Variants in ATF7 observed in about 807,000 individuals in gnomAD.
The protein encoded by ATF7 is activating transcription factor 7.
Under a neutral mutation model 50.4 loss-of-function variants are expected in ATF7, and 10 were observed. That is an observed-to-expected ratio of 0.20 (90% CI 0.12 to 0.34). ATF7 has a LOEUF of 0.34. Among genes scored for constraint, ATF7 ranks in the 10% least tolerant of loss-of-function variants. The pLI is 1.00. For synonymous variants in ATF7, 201 were observed against 226.4 expected (o/e 0.89, Z 1.01); for missense variants, 465 against 613.9 (o/e 0.76, Z 2.56).
intron 2 of ATF7, among the ~76,000 whole-genome samples, chr12:53,569,346 A>AT (rs1292894508): frequency 1.3e-5 from 2 of 152,034 alleles, no homozygotes; most frequent in African/African-American, 2.4e-5. Context: ...AACTACTTGC[A>AT]TTTTTTCTAA....
In ATF7 at chr12:53,555,481, AATAAT is replaced by A. The variant is rs1592859579; in HGVS notation, c.49-2849_49-2845del. 2.7e-5 allele frequency among the ~76,000 whole-genome samples: 4 copies of A among 149,930 alleles called. No homozygotes were observed. In the East Asian group the frequency reaches 6.0e-4, roughly 22 times the overall value. On this transcript the variant is annotated intron_variant, in intron 2 of 11. Coordinates refer to ENST00000420353, the MANE Select transcript of ATF7 (RefSeq NM_006856.3). ...GCAGAACCTAGTTTATAAAGAAGAAAATAATATAATTTTTTTTTTTTTTTTTTTTT... is the reference window on the plus strand; with the variant it reads ...GCAGAACCTAGTTTATAAAGAAGAAAATAATTTTTTTTTTTTTTTTTTTTT...
chr12:53,541,946 T>C (rs549984532), intron 4 of ATF7, among the ~76,000 whole-genome samples: 1 of 152,064 alleles, frequency 6.6e-6, no homozygotes, highest in African/African-American at 2.4e-5. Context: ...CTCAGCCTCC[T>C]GAGTAGCTGG....
intron 9 of ATF7, chr12:53,525,014 A>C (rs1938361598): frequency 2.4e-6 from 1 of 409,188 alleles, no homozygotes; most frequent in Non-Finnish European, 4.3e-6. Flanking sequence ...GATTATTTAT[A>C]AGACAGACAG....
intron 11 of ATF7, among the ~76,000 whole-genome samples, chr12:53,521,200 C>T (rs1312368405): frequency 1.3e-5 from 2 of 152,178 alleles, no homozygotes; most frequent in Non-Finnish European, 2.9e-5. Flanking sequence ...CCATGTTAGC[C>T]AGGCTGGTCT....
chr12:53,534,421 A>G, intron 6 of ATF7, 81 bp downstream of exon 6: 2 of 1,582,602 alleles, frequency 1.3e-6, no homozygotes, highest in South Asian at 2.2e-5. Flanking sequence ...GTATTGGAAA[A>G]CAGTCCCAGT....
intron 3 of ATF7, among the ~76,000 whole-genome samples, chr12:53,550,327 AAAAAAAATAAATAAATAAAT>A (rs1436615263): frequency 7.0e-5 from 8 of 113,526 alleles, no homozygotes; most frequent in African/African-American, 3.0e-4. Context: ...CTGTCTCAAA[AAAAAAAATAAATAAATAAAT>A]AAATAAATAA....
chr12:53,575,193 A>G (rs1249911718), intron 2 of ATF7, among the ~76,000 whole-genome samples: 2 of 152,008 alleles, frequency 1.3e-5, no homozygotes, highest in Admixed American at 1.3e-4. Flanking sequence ...GGATCACCTG[A>G]GGTTGAGAGT....
chr12:53,604,543 AC>A (rs990282825), intron 1 of ATF7, among the ~76,000 whole-genome samples: 1 of 152,190 alleles, frequency 6.6e-6, no homozygotes, highest in African/African-American at 2.4e-5. Context: ...GTGTGATATT[AC>A]CATTACAATA....
intron 2 of ATF7, among the ~76,000 whole-genome samples, chr12:53,554,379 C>A (rs1372727673): frequency 6.6e-6 from 1 of 151,722 alleles, no homozygotes; most frequent in Non-Finnish European, 1.5e-5. Context: ...GATCCACTCA[C>A]CTTGGCCTCC....
chr12:53,533,859 T>G (rs1939051630), intron 6 of ATF7, among the ~76,000 whole-genome samples: 1 of 152,228 alleles, frequency 6.6e-6, no homozygotes, highest in Non-Finnish European at 1.5e-5. Flanking sequence ...TTAATGGGTT[T>G]CAGTGTTTCA....
intron 2 of ATF7, among the ~76,000 whole-genome samples, chr12:53,592,757 T>C (rs1188329604): frequency 6.6e-6 from 1 of 152,184 alleles, no homozygotes; most frequent in Non-Finnish European, 1.5e-5. Context: ...ACTAGTACAA[T>C]AGGTACTGAA....
chr12:53,529,453 G>A (rs1344707366), intron 9 of ATF7, among the ~76,000 whole-genome samples: 1 of 150,910 alleles, frequency 6.6e-6, no homozygotes, highest in African/African-American at 2.4e-5. Context: ...CGCCCACCTC[G>A]GCCTCCCAAA....
chr12:53,523,334 C>T lies in ATF7; in HGVS notation c.1176G>A (p.Leu392=). The T allele has an allele frequency of 6.2e-7, 1 of 1,614,080 alleles. No homozygotes were observed. Among genetic ancestry groups the T allele is most frequent in the Non-Finnish European group, 8.5e-7 (1 of 1,179,974 alleles). Residue 392 remains leucine, a synonymous_variant, in exon 11 of 12, where the codon CTG becomes CTA. Transcript: ENST00000420353. ...TGACTGGGCAGTCTTTATGAGCTAACAGTAGCTGTTTCAACTGGGCCACCT... is the reference window on the plus strand; with the variant it reads ...TGACTGGGCAGTCTTTATGAGCTAATAGTAGCTGTTTCAACTGGGCCACCT... ...RNEVAQLKQL[L]LAHKDCPVTA...
chr12:53,587,990 T>C (rs1295951308), intron 2 of ATF7, among the ~76,000 whole-genome samples: 1 of 151,532 alleles, frequency 6.6e-6, no homozygotes, highest in East Asian at 1.9e-4. Flanking sequence ...GCTGGAATTA[T>C]AGGCACCTGC....
intron 2 of ATF7, among the ~76,000 whole-genome samples, chr12:53,559,763 A>C (rs1219232648): frequency 6.6e-6 from 1 of 151,922 alleles, no homozygotes; most frequent in East Asian, 1.9e-4. Flanking sequence ...CTGTGTAATC[A>C]CTACCCAGTT....
intron 9 of ATF7, among the ~76,000 whole-genome samples, chr12:53,530,407 C>T (rs1938795872): frequency 6.6e-6 from 1 of 152,082 alleles, no homozygotes; most frequent in African/African-American, 2.4e-5. Flanking sequence ...AAACTGAGGA[C>T]TATACAGTTT....
At chr12:53,531,692 T>G in intron 9 of ATF7, 52 bp downstream of exon 9, 1 of 1,525,372 alleles carries the variant, frequency 6.6e-7, no homozygotes, top group Non-Finnish European at 8.8e-7. Flanking sequence ...ACAATAGATA[T>G]GACATAAAGA....
In ATF7 at chr12:53,512,967, A is replaced by G. The variant is rs1265096547; in HGVS notation, c.*4170T>C. The G allele has an allele frequency of 6.6e-6, 1 of 152,150 alleles. No individual in the cohort carries two copies. Among genetic ancestry groups the G allele is most frequent in the Non-Finnish European group, 1.5e-5 (1 of 68,026 alleles). 9.4% of individuals were successfully genotyped at this position (152,150 alleles called of 1,614,324 possible). On this transcript the variant is annotated 3_prime_UTR_variant, in exon 12 of 12. Transcript: ENST00000420353. ...TCTGGGATGGGGCCTGAGAATGTGTATTTCTAACAAGTTCCCAGATTACTG... is the reference window on the plus strand; with the variant it reads ...TCTGGGATGGGGCCTGAGAATGTGTGTTTCTAACAAGTTCCCAGATTACTG...
chr12:53,622,318 AT>A, intron 1 of ATF7, among the ~76,000 whole-genome samples: 1 of 150,344 alleles, frequency 6.7e-6, no homozygotes, highest in Non-Finnish European at 1.5e-5. Context: ...AATAATAATA[AT>A]AATAATAATA....
Sources: gnomAD v4.1 joint callset for allele counts (sites outside exome capture counted in the v4.1 genomes callset) on GRCh38, gnomAD v4.1.1 for gene constraint, MANE v1.5 for transcripts, NCBI Gene and HGNC (gene_info 2026-07-23, HGNC 2026-07-21) for gene names.